GPR158: variants seen among roughly 807,000 people sequenced by gnomAD.
GPR158 encodes metabotropic glycine receptor.
In GPR158, 30 loss-of-function variants were observed where a neutral mutation model predicts 78.2. The ratio of observed to expected loss-of-function variants is 0.38; its 90% confidence interval spans 0.29 to 0.52. The LOEUF is 0.52. Among genes scored for constraint, GPR158 ranks in the 20% least tolerant of loss-of-function variants. The probability of loss-of-function intolerance (pLI) is 0.83; values close to 1 mark genes in which losing one functional copy is unlikely to be tolerated. For synonymous variants in GPR158, 581 were observed against 591.1 expected (o/e 0.98, Z 0.25); for missense variants, 1,463 against 1,523.5 (o/e 0.96, Z 0.66).
At chr10:25,313,274 A>G (rs1025372306) in intron 2 of GPR158, among the ~76,000 whole-genome samples, 1 of 149,046 alleles carries the variant, frequency 6.7e-6, no homozygotes, top group African/African-American at 2.5e-5. Flanking sequence ...GGGAGGGATA[A>G]CATTAGGAGA....
chr10:25,211,849 C>CT (rs1049442762), intron 1 of GPR158, among the ~76,000 whole-genome samples: 72 of 152,278 alleles, frequency 4.7e-4, no homozygotes, highest in Non-Finnish European at 7.9e-4. Flanking sequence ...TACTACCTTC[C>CT]TTTATCATAA....
intron 4 of GPR158, among the ~76,000 whole-genome samples, chr10:25,414,019 G>A (rs1834628114): frequency 6.6e-6 from 1 of 152,080 alleles, no homozygotes; most frequent in South Asian, 2.1e-4. Flanking sequence ...GGCATAGCAG[G>A]TAGAATTGAA....
intron 2 of GPR158, among the ~76,000 whole-genome samples, chr10:25,360,855 T>C (rs1485126340): frequency 6.6e-6 from 1 of 152,118 alleles, no homozygotes; most frequent in African/African-American, 2.4e-5. Flanking sequence ...CTTTGGGCAG[T>C]GTGGCCATTT....
intron 2 of GPR158, among the ~76,000 whole-genome samples, chr10:25,371,419 CA>C (rs1833990758): frequency 6.6e-6 from 1 of 151,800 alleles, no homozygotes; most frequent in Non-Finnish European, 1.5e-5. Flanking sequence ...GCCAAAAGAA[CA>C]AAGCTGGAGG....
intron 1 of GPR158, among the ~76,000 whole-genome samples, chr10:25,182,399 A>G (rs1343001532): frequency 6.6e-6 from 1 of 152,168 alleles, no homozygotes; most frequent in Non-Finnish European, 1.5e-5. Context: ...TTTAAAAACA[A>G]CCTGTTTTCA....
At chr10:25,292,124 T>C (rs1854447193) in intron 2 of GPR158, among the ~76,000 whole-genome samples, 1 of 151,908 alleles carries the variant, frequency 6.6e-6, no homozygotes, top group Non-Finnish European at 1.5e-5. Context: ...GTGTAAGTAA[T>C]ATATCATCCC....
chr10:25,509,934 G>C (rs1836061831), intron 5 of GPR158, among the ~76,000 whole-genome samples: 2 of 152,150 alleles, frequency 1.3e-5, no homozygotes, highest in South Asian at 4.1e-4. Flanking sequence ...GGCTGGTCTT[G>C]AACTCCTGAC....
chr10:25,308,588 T>A (rs1394342635), intron 2 of GPR158, among the ~76,000 whole-genome samples: 2 of 152,178 alleles, frequency 1.3e-5, no homozygotes, highest in African/African-American at 4.8e-5. Flanking sequence ...TTAACAGTTT[T>A]CAAGTACACA....
rs34977269 is a variant in GPR158 at position 25,355,581 on chromosome 10, C to A, written c.1009-40330C>A. Among the ~76,000 whole-genome samples, 11 of 152,022 alleles carry A rather than the reference C, an allele frequency of 7.2e-5. No individual in the cohort carries two copies. In the South Asian group the frequency reaches 2.1e-3, roughly 29 times the overall value. ...TGGCTATTTGTTTCTTGTGGATGTA[C>A]GTCTGTGACTTTGCACTGGAGGATT... is the stretch of plus-strand genomic sequence containing the variant. On this transcript the variant is annotated intron_variant, in intron 2 of 10. Coordinates refer to ENST00000376351, the MANE Select transcript of GPR158 (RefSeq NM_020752.3).
intron 7 of GPR158, among the ~76,000 whole-genome samples, chr10:25,587,742 C>CAT (rs1280555892): frequency 6.6e-6 from 1 of 152,158 alleles, no homozygotes; most frequent in African/African-American, 2.4e-5. Context: ...CTTCCGGCTA[C>CAT]ATCAGGGTTT....
At position 25,247,317 on chromosome 10, in the gene GPR158, C is replaced by T. The variant is rs61250679; in HGVS notation, c.1008+26160C>T. Among the ~76,000 whole-genome samples, 217 of 140,432 alleles carry T rather than the reference C, an allele frequency of 1.5e-3. 2 individuals carry two copies. The East Asian group carries it at 0.033, about 21-fold the overall frequency. The allele number at this position is 140,432 out of a possible 152,430, so 92.1% of individuals were successfully genotyped here. A position where few individuals can be genotyped will look rare whatever the true frequency, so the allele number is the denominator to read the frequency against. On this transcript the variant is annotated intron_variant, in intron 2 of 10. Transcript: ENST00000376351. ...AATTCAATTTATTCTTTTTTTTTTT[C>T]TTTTTTTTTTATTATACTTTAAGTT...
At chr10:25,295,634 C>T (rs1564413850) in intron 2 of GPR158, among the ~76,000 whole-genome samples, 1 of 152,064 alleles carries the variant, frequency 6.6e-6, no homozygotes, top group Non-Finnish European at 1.5e-5. Context: ...AGGATGGTCT[C>T]AATCTTCTGA....
rs756438407 is a variant in GPR158, at chr10:25,597,927, G to T, written c.2301G>T (p.Arg767=). The T allele has an allele frequency of 8.7e-6, 14 of 1,612,742 alleles. No homozygotes were observed. The highest frequency in any genetic ancestry group is 3.3e-4 in the Middle Eastern group (2 of 6,044). ...RITEIPETVS[R]QCSKEDKEGA... The stretch of plus-strand genomic sequence containing the variant: ...CGGAGATCCCAGAGACAGTCAGCCG[G>T]CAGTGCTCTAAAGAGGACAAGGAGG... The change falls in exon 11 of 11, where the codon CGG becomes CGT. Residue 767 remains arginine, a synonymous_variant. Coordinates refer to ENST00000376351, the MANE Select transcript of GPR158 (RefSeq NM_020752.3).
At chr10:25,179,287 T>C (rs941683190) in intron 1 of GPR158, among the ~76,000 whole-genome samples, 6 of 152,198 alleles carry the variant, frequency 3.9e-5, no homozygotes, top group African/African-American at 1.4e-4. Flanking sequence ...TGATCATGAT[T>C]TGAAATAGTC....
At chr10:25,446,656 A>G (rs1379402819) in intron 4 of GPR158, among the ~76,000 whole-genome samples, 1 of 152,210 alleles carries the variant, frequency 6.6e-6, no homozygotes, top group African/African-American at 2.4e-5. Flanking sequence ...TAAACCAGAA[A>G]CATTCTATTT....
At chr10:25,351,596 A>G (rs61401625) in intron 2 of GPR158, among the ~76,000 whole-genome samples, 9,649 of 151,898 alleles carry the variant, frequency 0.064, 746 homozygotes, top group African/African-American at 0.19. Context: ...CTCCTGCAGT[A>G]GCTTTGAAAT....
At chr10:25,276,441 T>C (rs1018724849) in intron 2 of GPR158, among the ~76,000 whole-genome samples, 1 of 152,210 alleles carries the variant, frequency 6.6e-6, no homozygotes, top group Non-Finnish European at 1.5e-5. Flanking sequence ...AAGAATAAGG[T>C]TCTTTGCCCT....
At chr10:25,543,281 C>T (rs900634681) in intron 5 of GPR158, among the ~76,000 whole-genome samples, 4 of 152,048 alleles carry the variant, frequency 2.6e-5, no homozygotes, top group South Asian at 2.1e-4. Context: ...CCACCCTGCC[C>T]AGCTAATTTT....
chr10:25,566,590 G>A (rs573440895), intron 6 of GPR158, among the ~76,000 whole-genome samples: 1 of 152,284 alleles, frequency 6.6e-6, no homozygotes, highest in Non-Finnish European at 1.5e-5. Flanking sequence ...TGTGAGATAT[G>A]AGAACTCATG....
Sources: allele counts gnomAD v4.1 joint callset (sites outside exome capture counted in the v4.1 genomes callset), GRCh38; gene constraint gnomAD v4.1.1; transcripts MANE v1.5; gene names NCBI Gene and HGNC (gene_info 2026-07-23, HGNC 2026-07-21).